The following MICAL2 variants were observed in gnomAD, a reference collection of about 807,000 sequenced individuals.
MICAL2 encodes the protein microtubule associated monooxygenase, calponin and LIM domain containing 2.
A neutral mutation model predicts 127.3 loss-of-function variants in MICAL2; 77 were observed. That is an observed-to-expected ratio of 0.60 (90% CI 0.50 to 0.73). The LOEUF (loss-of-function observed/expected upper bound fraction) is 0.73, where lower values mean the gene tolerates loss of function less well. MICAL2 is among the 30% of genes least tolerant of loss of function. MICAL2 has a pLI of 0.00. For synonymous variants in MICAL2, 570 were observed against 551.1 expected (o/e 1.03, Z -0.48); for missense variants, 1,351 against 1,434.4 (o/e 0.94, Z 0.94).
At chr11:12,295,399 CA>C (rs1432995753), downstream of MICAL2, among the ~76,000 whole-genome samples, 2 of 150,158 alleles carry the variant, frequency 1.3e-5, no homozygotes, top group Non-Finnish European at 3.0e-5. Flanking sequence ...CTCAACCTCC[CA>C]AAGTGTTGGG....
intron 32 of MICAL2, among the ~76,000 whole-genome samples, chr11:12,339,660 C>G (rs1290054125): frequency 1.3e-5 from 2 of 152,218 alleles, no homozygotes; most frequent in African/African-American, 4.8e-5. Flanking sequence ...AGTTTTCCTT[C>G]TAACAGTCAG....
At chr11:12,312,436 C>G (rs1864184855) in intron 29 of MICAL2, among the ~76,000 whole-genome samples, 1 of 151,852 alleles carries the variant, frequency 6.6e-6, no homozygotes, top group Admixed American at 6.6e-5. Flanking sequence ...TTATGACACA[C>G]TTTTATCATC....
chr11:12,226,230 T>C lies in MICAL2; in HGVS notation c.1748T>C (p.Val583Ala). 4 of 1,614,256 alleles carry C rather than the reference T, an allele frequency of 2.5e-6. No homozygotes were observed. Among genetic ancestry groups the C allele is most frequent in the East Asian group, 2.2e-5 (1 of 44,890 alleles). The part of the protein sequence containing the change: ...AVENNQLAFD[V>A]AEREFGIPPV... ...GAGAACAACCAGCTCGCATTTGATGTGGCCGAGCGAGAGTTTGGGATCCCT... is the reference window on the plus strand; with the variant it reads ...GAGAACAACCAGCTCGCATTTGATGCGGCCGAGCGAGAGTTTGGGATCCCT... The change falls in exon 14 of 28, where the codon GTG (valine) becomes GCG (alanine). Residue 583 changes from valine (V) to alanine (A), a missense_variant. Transcript: ENST00000683283.
chr11:12,179,178 C>G (rs1337119659), intron 3 of MICAL2, among the ~76,000 whole-genome samples: 1 of 152,212 alleles, frequency 6.6e-6, no homozygotes, highest in Non-Finnish European at 1.5e-5. Context: ...CAGCCCAGCT[C>G]CTGCCTCACC....
intron 1 of MICAL2, among the ~76,000 whole-genome samples, chr11:12,119,737 G>T (rs1850350487): frequency 6.6e-6 from 1 of 152,184 alleles, no homozygotes; most frequent in Non-Finnish European, 1.5e-5. Flanking sequence ...AAATGACACT[G>T]ACCTCCCAGG....
chr11:12,277,978 G>A (rs1225589130), intron 1 of MICAL2, among the ~76,000 whole-genome samples: 2 of 152,168 alleles, frequency 1.3e-5, no homozygotes, highest in East Asian at 3.8e-4. Context: ...TATAAACATA[G>A]AAAAGGTACA....
chr11:12,200,283 A>G (rs1304809897), intron 3 of MICAL2, among the ~76,000 whole-genome samples: 1 of 152,188 alleles, frequency 6.6e-6, no homozygotes, highest in Non-Finnish European at 1.5e-5. Flanking sequence ...ATTGAGTTTT[A>G]ATGAAAAGCT....
chr11:12,240,163 A>G (rs367580586), intron 17 of MICAL2, among the ~76,000 whole-genome samples: 4 of 152,274 alleles, frequency 2.6e-5, no homozygotes, highest in East Asian at 3.9e-4. Flanking sequence ...TCCCTGCACC[A>G]GGGTCAGCCT....
chr11:12,141,536 A>C (rs1852352200), intron 2 of MICAL2, among the ~76,000 whole-genome samples: 1 of 152,188 alleles, frequency 6.6e-6, no homozygotes, highest in African/African-American at 2.4e-5. Context: ...GCCAGAGTGC[A>C]GATAAGAACT....
chr11:12,129,556 T>C (rs1420622351), intron 1 of MICAL2, among the ~76,000 whole-genome samples: 17 of 151,906 alleles, frequency 1.1e-4, no homozygotes, highest in Admixed American at 1.1e-3. Context: ...CCTTAGCCCT[T>C]TTCCTAAAGA....
chr11:12,307,468 G>A (rs745979161), intron 29 of MICAL2, among the ~76,000 whole-genome samples: 30 of 152,086 alleles, frequency 2.0e-4, no homozygotes, highest in Non-Finnish European at 3.7e-4. Flanking sequence ...TTTATAATTT[G>A]AGTTATAGTT....
intron 1 of MICAL2, among the ~76,000 whole-genome samples, chr11:12,115,517 C>G (rs1057036838): frequency 6.6e-6 from 1 of 151,962 alleles, no homozygotes; most frequent in Non-Finnish European, 1.5e-5. Context: ...CAAAGTCTTG[C>G]TATGTTGCCC....
chr11:12,173,534 T>G (rs1856510857), intron 3 of MICAL2, among the ~76,000 whole-genome samples: 1 of 152,244 alleles, frequency 6.6e-6, no homozygotes, highest in Non-Finnish European at 1.5e-5. Flanking sequence ...TAAATTGTGG[T>G]AAAATATGTT....
chr11:12,140,541 C>A (rs1473636451), intron 2 of MICAL2, among the ~76,000 whole-genome samples: 1 of 151,454 alleles, frequency 6.6e-6, no homozygotes, highest in Non-Finnish European at 1.5e-5. Flanking sequence ...TAAGTGGACC[C>A]TCTTTGGCAG....
intron 3 of MICAL2, among the ~76,000 whole-genome samples, chr11:12,164,036 T>C (rs1406067535): frequency 3.3e-5 from 5 of 151,974 alleles, no homozygotes; most frequent in Non-Finnish European, 7.4e-5. Context: ...TGAAGACAGA[T>C]TGTCACAGGG....
chr11:12,284,257 TGGA>T (rs1469453939), intron 2 of MICAL2, among the ~76,000 whole-genome samples: 5 of 152,210 alleles, frequency 3.3e-5, no homozygotes, highest in Non-Finnish European at 5.9e-5. Context: ...CAATGGAATA[TGGA>T]GGACACTTAT....
intron 3 of MICAL2, among the ~76,000 whole-genome samples, chr11:12,184,391 C>G (rs1857891534): frequency 6.6e-6 from 1 of 152,186 alleles, no homozygotes; most frequent in African/African-American, 2.4e-5. Context: ...AGAGAGGGCT[C>G]CACTGCAGAC....
At chr11:12,195,354 T>G (rs1204332870) in intron 3 of MICAL2, among the ~76,000 whole-genome samples, 1 of 152,218 alleles carries the variant, frequency 6.6e-6, no homozygotes, top group East Asian at 1.9e-4. Flanking sequence ...GTATTGATTC[T>G]GCTATTTAAT....
intron 3 of MICAL2, among the ~76,000 whole-genome samples, chr11:12,198,231 C>T (rs1418866893): frequency 6.6e-6 from 1 of 152,194 alleles, no homozygotes; most frequent in Non-Finnish European, 1.5e-5. Context: ...GCTCCAGTTT[C>T]CTATGTGCCA....
Sources: allele counts gnomAD v4.1 joint callset (sites outside exome capture counted in the v4.1 genomes callset), GRCh38; gene constraint gnomAD v4.1.1; transcripts MANE v1.5; gene names NCBI Gene and HGNC (gene_info 2026-07-23, HGNC 2026-07-21).